LRRC4C: variants seen among roughly 807,000 people sequenced by gnomAD.
LRRC4C encodes leucine rich repeat containing 4C, also known as leucine-rich repeat-containing protein 4C.
LRRC4C carries 5 observed loss-of-function variants against 33.6 expected under a neutral mutation model. That is an observed-to-expected ratio of 0.15 (90% CI 0.08 to 0.31). LRRC4C has a LOEUF of 0.31. LRRC4C is among the 10% of genes least tolerant of loss of function. LRRC4C has a pLI of 1.00. For synonymous variants in LRRC4C, 329 were observed against 302.0 expected (o/e 1.09, Z -0.93); for missense variants, 560 against 796.7 (o/e 0.70, Z 3.58).
At chr11:40,754,321 T>C (rs1218479230) in intron 2 of LRRC4C, among the ~76,000 whole-genome samples, 1 of 152,114 alleles carries the variant, frequency 6.6e-6, no homozygotes, top group Non-Finnish European at 1.5e-5. Context: ...TTTAAGAAGA[T>C]AGGAATCTTC....
At chr11:41,227,449 G>A (rs1027317872) in intron 1 of LRRC4C, among the ~76,000 whole-genome samples, 5 of 151,750 alleles carry the variant, frequency 3.3e-5, no homozygotes, top group African/African-American at 9.7e-5. Flanking sequence ...TATACCAAAC[G>A]GTTGCAACCA....
intron 3 of LRRC4C, among the ~76,000 whole-genome samples, chr11:40,570,663 G>A (rs1334234786): frequency 6.6e-6 from 1 of 152,020 alleles, no homozygotes; most frequent in Admixed American, 6.6e-5. Context: ...GTGGTGGCTT[G>A]GTATATACTA....
intron 1 of LRRC4C, among the ~76,000 whole-genome samples, chr11:41,111,292 A>G (rs1444069294): frequency 1.3e-5 from 2 of 152,032 alleles, no homozygotes; most frequent in African/African-American, 4.8e-5. Flanking sequence ...TAAGTAATGA[A>G]GCTCATCATT....
chr11:41,095,551 C>T (rs1940756758), intron 1 of LRRC4C, among the ~76,000 whole-genome samples: 1 of 152,162 alleles, frequency 6.6e-6, no homozygotes, highest in African/African-American at 2.4e-5. Context: ...GTTCAGTGCA[C>T]TTTGACAATA....
chr11:40,343,762 A>G (rs1260226216), intron 3 of LRRC4C, among the ~76,000 whole-genome samples: 1 of 150,742 alleles, frequency 6.6e-6, no homozygotes, highest in African/African-American at 2.4e-5. Flanking sequence ...CTAGCCTAAT[A>G]AAGAACAAAA....
intron 1 of LRRC4C, among the ~76,000 whole-genome samples, chr11:41,329,633 G>A (rs78401866): frequency 0.022 from 3,371 of 152,136 alleles, 128 homozygotes; most frequent in African/African-American, 0.076. Context: ...TACTCCTTGC[G>A]ATTTCTTTTC....
intron 1 of LRRC4C, among the ~76,000 whole-genome samples, chr11:41,014,817 C>G: frequency 6.6e-6 from 1 of 152,006 alleles, no homozygotes; most frequent in East Asian, 1.9e-4. Context: ...CCAGAGAAGT[C>G]CTGGGGTAAT....
chr11:41,055,284 T>C (rs535387266), intron 1 of LRRC4C, among the ~76,000 whole-genome samples: 3 of 152,328 alleles, frequency 2.0e-5, no homozygotes, highest in East Asian at 3.9e-4. Flanking sequence ...CTCTATATTA[T>C]GCCATTGTTT....
Position 40,924,086 on chromosome 11 carries a change from ATG to A in LRRC4C, c.-407+9547_-407+9548del, listed in dbSNP as rs547307374. On this transcript the variant is annotated intron_variant, in intron 2 of 6. Coordinates refer to ENST00000528697, the MANE Select transcript of LRRC4C (RefSeq NM_001258419.2). Reference sequence around the variant, plus strand: ...TATACATATATATGTGTGTGTATATATGTGTGTGTGTGTATGTGTGTGTGTGT... The same window carrying A: ...TATACATATATATGTGTGTGTATATATGTGTGTGTGTATGTGTGTGTGTGT... Among the ~76,000 whole-genome samples the A allele has an allele frequency of 9.1e-4, 134 of 146,972 alleles. 1 individual carries two copies. The highest frequency in any genetic ancestry group is 1.6e-3 in the Non-Finnish European group (109 of 66,568).
chr11:40,914,949 C>T (rs1466187539), intron 2 of LRRC4C, among the ~76,000 whole-genome samples: 1 of 152,126 alleles, frequency 6.6e-6, no homozygotes, highest in African/African-American at 2.4e-5. Context: ...TTCACAATTG[C>T]TTCAAAGAGA....
intron 3 of LRRC4C, among the ~76,000 whole-genome samples, chr11:40,542,414 C>T (rs753508459): frequency 8.5e-5 from 13 of 152,116 alleles, no homozygotes; most frequent in Non-Finnish European, 1.3e-4. Context: ...TGTGGCCCAG[C>T]TGCCTTGTGG....
chr11:40,316,348 A>G (rs1337779496), intron 4 of LRRC4C, among the ~76,000 whole-genome samples: 1 of 152,046 alleles, frequency 6.6e-6, no homozygotes, highest in African/African-American at 2.4e-5. Context: ...GTTTTTGTGA[A>G]TGAATCAGAA....
intron 1 of LRRC4C, among the ~76,000 whole-genome samples, chr11:40,991,045 C>A (rs1379593574): frequency 1.4e-5 from 2 of 142,786 alleles, no homozygotes; most frequent in Non-Finnish European, 1.5e-5. Flanking sequence ...TACCAACAGT[C>A]ATTTTCTCAG....
intron 1 of LRRC4C, among the ~76,000 whole-genome samples, chr11:41,359,868 T>C (rs1952289343): frequency 2.0e-5 from 3 of 152,142 alleles, no homozygotes; most frequent in South Asian, 2.1e-4. Flanking sequence ...TTCATCTATA[T>C]GTTTTCTGAA....
chr11:40,421,711 T>A (rs1950530686), intron 3 of LRRC4C, among the ~76,000 whole-genome samples: 1 of 152,132 alleles, frequency 6.6e-6, no homozygotes, highest in African/African-American at 2.4e-5. Flanking sequence ...TCAGATAAAA[T>A]AAGTCACTGT....
At chr11:41,062,871 A>G (rs1425622114) in intron 1 of LRRC4C, among the ~76,000 whole-genome samples, 2 of 152,152 alleles carry the variant, frequency 1.3e-5, no homozygotes, top group Non-Finnish European at 2.9e-5. Flanking sequence ...AGAGTCAGAG[A>G]TTGGAATCAT....
chr11:41,061,855 T>C (rs1311452667), intron 1 of LRRC4C, among the ~76,000 whole-genome samples: 1 of 152,054 alleles, frequency 6.6e-6, no homozygotes, highest in African/African-American at 2.4e-5. Context: ...CTCCTGTACT[T>C]AGAAGATATG....
intron 1 of LRRC4C, among the ~76,000 whole-genome samples, chr11:41,014,308 T>C (rs773712350): frequency 6.6e-5 from 10 of 152,220 alleles, no homozygotes; most frequent in Admixed American, 6.5e-5. Flanking sequence ...AGTAAATTTC[T>C]CAAGGTTATT....
chr11:41,336,978 T>C (rs1459539387), intron 1 of LRRC4C, among the ~76,000 whole-genome samples: 2 of 151,978 alleles, frequency 1.3e-5, no homozygotes, highest in Non-Finnish European at 2.9e-5. Flanking sequence ...AAAAAATGAC[T>C]ATTCATAGCA....
Sources: gnomAD v4.1 joint callset for allele counts (sites outside exome capture counted in the v4.1 genomes callset) on GRCh38, gnomAD v4.1.1 for gene constraint, MANE v1.5 for transcripts, NCBI Gene and HGNC (gene_info 2026-07-23, HGNC 2026-07-21) for gene names.